The following BLTP3B variants were observed in gnomAD, a reference collection of about 807,000 sequenced individuals.
BLTP3B encodes the protein bridge-like lipid transfer protein family member 3B.
chr12:100,120,590 T>C, the BLTP3B span, among the ~76,000 whole-genome samples: 4 of 152,284 alleles, frequency 2.6e-5, no homozygotes, highest in Non-Finnish European at 4.4e-5. Context: ...GGTGAAGATA[T>C]GGAGCAACTG....
chr12:100,129,134 ACCCC>A, the BLTP3B span, among the ~76,000 whole-genome samples: 6 of 152,034 alleles, frequency 3.9e-5, no homozygotes, highest in Non-Finnish European at 7.4e-5. Flanking sequence ...AAGTGACAAA[ACCCC>A]CACTTTTAAC....
the BLTP3B span, chr12:100,086,305 T>C: frequency 6.4e-7 from 1 of 1,551,110 alleles, no homozygotes; most frequent in Non-Finnish European, 8.7e-7. Context: ...TAATCTATAG[T>C]TAGCTGTGTA....
the BLTP3B span, among the ~76,000 whole-genome samples, chr12:100,073,343 AT>A: frequency 2.6e-5 from 4 of 151,284 alleles, no homozygotes; most frequent in Admixed American, 2.6e-4. Flanking sequence ...TTATTATATA[AT>A]ATATAGATAC....
the BLTP3B span, among the ~76,000 whole-genome samples, chr12:100,109,423 T>C: frequency 6.6e-6 from 1 of 152,064 alleles, no homozygotes; most frequent in Non-Finnish European, 1.5e-5. Flanking sequence ...AATAATTTAT[T>C]GTACGTTTTA....
the BLTP3B span, among the ~76,000 whole-genome samples, chr12:100,078,639 T>TATCC: frequency 6.6e-6 from 1 of 152,202 alleles, no homozygotes; most frequent in Non-Finnish European, 1.5e-5. Context: ...TATTGTTAAA[T>TATCC]ATCCATCCAT....
chr12:100,102,487 GCTAT>G, the BLTP3B span, among the ~76,000 whole-genome samples: 3 of 152,068 alleles, frequency 2.0e-5, no homozygotes, highest in Admixed American at 1.3e-4. Flanking sequence ...CTGATCAGAG[GCTAT>G]CTGATTTATA....
the BLTP3B span, among the ~76,000 whole-genome samples, chr12:100,073,724 A>C: frequency 2.0e-5 from 3 of 152,194 alleles, no homozygotes; most frequent in Admixed American, 6.5e-5. Flanking sequence ...TTCATACACA[A>C]ATCAATAAAT....
chr12:100,116,169 CAAA>C, the BLTP3B span, among the ~76,000 whole-genome samples: 5 of 107,024 alleles, frequency 4.7e-5, no homozygotes, highest in African/African-American at 3.2e-5. Context: ...GAGACTGTCT[CAAA>C]AAAAAAAAAA....
At chr12:100,084,339 A>G in the BLTP3B span, 1 of 971,712 alleles carries the variant, frequency 1.0e-6, no homozygotes, top group Non-Finnish European at 1.4e-6. Flanking sequence ...TACATTAAAA[A>G]GAAGAAAAAA....
At chr12:100,044,064 C>T in the BLTP3B span, among the ~76,000 whole-genome samples, 10 of 151,970 alleles carry the variant, frequency 6.6e-5, no homozygotes, top group Admixed American at 6.6e-4. Context: ...CAAGAGGGTG[C>T]ATTCTTTTCT....
chr12:100,102,726 C>G, the BLTP3B span: 23 of 1,005,012 alleles, frequency 2.3e-5, no homozygotes, highest in Non-Finnish European at 3.2e-5. Context: ...TTTTAATGTC[C>G]TGTTATTGGC....
the BLTP3B span, among the ~76,000 whole-genome samples, chr12:100,094,309 A>G: frequency 1.3e-5 from 2 of 152,028 alleles, no homozygotes; most frequent in Non-Finnish European, 2.9e-5. Context: ...ATGGGACTCA[A>G]TATATTGCCC....
At chr12:100,045,659 T>C in the BLTP3B span, among the ~76,000 whole-genome samples, 5 of 152,122 alleles carry the variant, frequency 3.3e-5, no homozygotes, top group South Asian at 4.1e-4. Flanking sequence ...ATTCAGAACA[T>C]AGGCATGGGC....
the BLTP3B span, among the ~76,000 whole-genome samples, chr12:100,038,152 T>C: frequency 6.6e-6 from 1 of 152,160 alleles, no homozygotes; most frequent in African/African-American, 2.4e-5. Flanking sequence ...CTTTTCATCT[T>C]TTCTTCTACT....
chr12:100,104,044 GACAC>G, the BLTP3B span: 1 of 815,318 alleles, frequency 1.2e-6, no homozygotes, highest in South Asian at 2.4e-5. Flanking sequence ...ATATAGGACA[GACAC>G]ACCAAATTAT....
the BLTP3B span, among the ~76,000 whole-genome samples, chr12:100,138,659 T>C: frequency 2.0e-5 from 3 of 152,104 alleles, no homozygotes; most frequent in African/African-American, 7.2e-5. Flanking sequence ...CGAGGTGAGG[T>C]GAATGTCTGC....
At chr12:100,067,222 C>T in the BLTP3B span, among the ~76,000 whole-genome samples, 2 of 151,964 alleles carry the variant, frequency 1.3e-5, no homozygotes, top group Non-Finnish European at 2.9e-5. Context: ...GTTCTAAATG[C>T]CTACATCAAA....
the BLTP3B span, among the ~76,000 whole-genome samples, chr12:100,115,443 C>T: frequency 6.6e-6 from 1 of 152,148 alleles, no homozygotes; most frequent in Non-Finnish European, 1.5e-5. Flanking sequence ...AATGATTTCA[C>T]AAGCCAAGGT....
the BLTP3B span, chr12:100,037,848 T>C: frequency 4.7e-5 from 55 of 1,160,366 alleles, no homozygotes; most frequent in Admixed American, 8.5e-5. Flanking sequence ...ACACTTGGGA[T>C]AGTAAAAATG....
Sources: allele counts gnomAD v4.1 joint callset (sites outside exome capture counted in the v4.1 genomes callset), GRCh38; gene constraint gnomAD v4.1.1; transcripts MANE v1.5; gene names NCBI Gene and HGNC (gene_info 2026-07-23, HGNC 2026-07-21).